DPF1: variants seen among roughly 807,000 people sequenced by gnomAD.
DPF1 encodes the protein double PHD fingers 1.
A neutral mutation model predicts 58.7 loss-of-function variants in DPF1; 14 were observed. That is an observed-to-expected ratio of 0.24 (90% CI 0.16 to 0.37). The LOEUF is 0.37. Ranked by LOEUF, DPF1 falls within the 10% of genes least tolerant of loss-of-function variation. The probability of loss-of-function intolerance (pLI) is 1.00; values close to 1 mark genes in which losing one functional copy is unlikely to be tolerated. For synonymous variants in DPF1, 216 were observed against 216.0 expected, an observed-to-expected ratio of 1.00 and a Z score of 0.00; for missense variants, 345 against 529.9, an observed-to-expected ratio of 0.65 and a Z score of 3.43.
At chr19:38,217,769 T>C in intron 6 of DPF1, 29 bp downstream of exon 6, 4 of 1,613,550 alleles carry the variant, frequency 2.5e-6, no homozygotes, top group Non-Finnish European at 3.4e-6. Context: ...CCCCTCTCTC[T>C]GCCTTTCCCC....
At position 38,217,889 on chromosome 19, in the gene DPF1, TC is replaced by T. The variant is rs1467929921; in HGVS notation, c.517-14del. The T allele has an allele frequency of 6.2e-7, 1 of 1,612,028 alleles. No homozygotes were observed. The highest frequency in any genetic ancestry group is 1.1e-5 in the South Asian group (1 of 90,954). On this transcript the variant is annotated splice_polypyrimidine_tract_variant and intron_variant, in intron 5 of 11. Transcript: ENST00000355526. Reference sequence around the variant, plus strand: ...CGATGCCATATGCCTGTGGGGAGAGTCAGGAGTGAGGGGCCAAGAAAGTGAG... The same window carrying T: ...CGATGCCATATGCCTGTGGGGAGAGTAGGAGTGAGGGGCCAAGAAAGTGAG...
chr19:38,227,564 C>A (rs962957138), upstream of DPF1, among the ~76,000 whole-genome samples: 1 of 152,164 alleles, frequency 6.6e-6, no homozygotes, highest in Non-Finnish European at 1.5e-5. Context: ...TGGGAGCTGG[C>A]CCACAGTAGA....
Position 38,229,530 on chromosome 19 carries a change from C to G in DPF1, c.-132+29G>C. The stretch of plus-strand genomic sequence containing the variant: ...AGGGCTCCTGGTGGGGGGGTCTGGA[C>G]AGGGGGCGGGGACGGCAGGGACACT... On this transcript the variant is annotated intron_variant, in intron 1 of 11. Transcript: ENST00000412732. The surrounding 1 kb of genome is among the most constrained non-coding windows in gnomAD (Gnocchi z 5.3). The G allele has an allele frequency of 8.9e-7, 1 of 1,121,172 alleles. No homozygotes were observed. The highest frequency in any genetic ancestry group is 1.1e-6 in the Non-Finnish European group (1 of 914,522). 69.5% of individuals were successfully genotyped at this position (1,121,172 alleles called of 1,614,324 possible). A position where few individuals can be genotyped will look rare whatever the true frequency, so the allele number is the denominator to read the frequency against.
At chr19:38,215,731 G>A (rs116493143) in intron 9 of DPF1, among the ~76,000 whole-genome samples, 1,803 of 152,206 alleles carry the variant, frequency 0.012, 36 homozygotes, top group African/African-American at 0.041. Flanking sequence ...AACACACCTG[G>A]ATAATTTTTA....
intron 9 of DPF1, among the ~76,000 whole-genome samples, chr19:38,214,345 C>T (rs947820429): frequency 6.6e-6 from 1 of 152,226 alleles, no homozygotes; most frequent in Admixed American, 6.5e-5. Flanking sequence ...GCAGCCGCTA[C>T]CTGCAGCCAC....
intron 3 of DPF1, among the ~76,000 whole-genome samples, chr19:38,220,630 A>T (rs1039820590): frequency 1.3e-5 from 2 of 152,038 alleles, no homozygotes; most frequent in Non-Finnish European, 2.9e-5. Flanking sequence ...AAAAAAAAGA[A>T]AAAGAAAAAG....
At position 38,218,666 on chromosome 19, in the gene DPF1, G is replaced by T; in HGVS notation, c.427-4C>A. The T allele has an allele frequency of 1.2e-6, 2 of 1,614,180 alleles. No homozygotes were observed. The highest frequency in any genetic ancestry group is 1.3e-5 in the African/African-American group (1 of 75,044). On this transcript the variant is annotated splice_polypyrimidine_tract_variant and splice_region_variant and intron_variant, in intron 4 of 11. Coordinates refer to ENST00000355526, the MANE Select transcript of DPF1 (RefSeq NM_001135155.3). ...GAAACTCCAGCAACTGCTGTTTCTG[G>T]GCAATAGAGAAAGGAGACGGGTCAA...
upstream of DPF1, among the ~76,000 whole-genome samples, chr19:38,226,060 T>C (rs73028384): frequency 0.15 from 22,088 of 152,002 alleles, 2,044 homozygotes; most frequent in South Asian, 0.21. Context: ...CTGGCGGCTC[T>C]TTGAAGGTAA....
intron 3 of DPF1, among the ~76,000 whole-genome samples, chr19:38,220,306 GAGAA>G (rs968998016): frequency 1.2e-3 from 115 of 99,866 alleles, no homozygotes; most frequent in East Asian, 6.0e-3. Context: ...GAGAAAGAAA[GAGAA>G]AGAAAGAAAG....
rs1967524307 is a variant in DPF1 at position 38,222,108 on chromosome 19, T to TAAATAAATAAATAA, written c.298+235_298+248dup. Among the ~76,000 whole-genome samples the TAAATAAATAAATAA allele has an allele frequency of 1.3e-5, 2 of 150,298 alleles. No individual in the cohort carries two copies. On this transcript the variant is annotated intron_variant, in intron 3 of 11. Transcript: ENST00000355526. This position sits in a 1 kb window ranked among gnomAD's most constrained non-coding sequence, Gnocchi z 4.9. ...GGTGAAACTCTGTCTCAAAAATAAATAAATAAATAAATAAATAAATAAATA... is the reference window on the plus strand; with the variant it reads ...GGTGAAACTCTGTCTCAAAAATAAATAAATAAATAAATAAAAATAAATAAATAAATAAATAAATA...
chr19:38,219,085 G>A, intron 3 of DPF1, 27 bp from the exon 4 acceptor site: 1 of 1,612,074 alleles, frequency 6.2e-7, no homozygotes, highest in African/African-American at 1.3e-5. Context: ...GGGGGGGTCA[G>A]ATGGGGAAGT....
chr19:38,218,528 C>T, intron 5 of DPF1, 45 bp downstream of exon 5: 1 of 1,591,952 alleles, frequency 6.3e-7, no homozygotes, highest in Non-Finnish European at 8.6e-7. Flanking sequence ...TGAATGAGAC[C>T]TGTCATTGAG....
At chr19:38,229,055 AC>A (rs1568326737), upstream of DPF1, among the ~76,000 whole-genome samples, 2 of 150,834 alleles carry the variant, frequency 1.3e-5, no homozygotes, top group African/African-American at 4.9e-5. This position sits in a 1 kb window ranked among gnomAD's most constrained non-coding sequence, Gnocchi z 5.3. Context: ...GGAACTGGGG[AC>A]CCCCGACGTC....
intron 1 of DPF1, chr19:38,223,812 C>T (rs1370290127): frequency 1.0e-5 from 3 of 296,850 alleles, no homozygotes; most frequent in Non-Finnish European, 1.2e-5. Context: ...TTGCCAAGGC[C>T]CCCGCACCCC....
intron 8 of DPF1, 21 bp downstream of exon 8, chr19:38,216,332 A>G: frequency 5.0e-6 from 8 of 1,605,220 alleles, no homozygotes; most frequent in Non-Finnish European, 6.8e-6. Flanking sequence ...AGACTTTAGG[A>G]GCAGAAGGAG....
rs764927739 is a variant in DPF1 at position 38,212,304 on chromosome 19, G to A, written c.1069C>T (p.Pro357Ser). ...DRGYHMYCLSPPMAEPPEGSW... is the reference protein window; with the variant it reads ...DRGYHMYCLSSPMAEPPEGSW... ...CCTTCCGGGGGCTCCGCCATGGGGG[G>A]ACTCAGGCAGTACATGTGGTAACCC... is the stretch of plus-strand genomic sequence containing the variant. The change falls in exon 11 of 12, where the codon CCC becomes TCC. Residue 357 changes from proline to serine, a missense_variant. By Grantham distance (74) the Pro-to-Ser change is moderately conservative (BLOSUM62 -1). Transcript: ENST00000355526. 1.3e-6 allele frequency: 2 copies of A among 1,532,268 alleles called. No individual in the cohort carries two copies. Among genetic ancestry groups the A allele is most frequent in the East Asian group, 2.3e-5 (1 of 43,604 alleles). 94.9% of individuals were successfully genotyped at this position (1,532,268 alleles called of 1,614,324 possible).
At chr19:38,224,590 G>A (rs956958533), upstream of DPF1, among the ~76,000 whole-genome samples, 1 of 152,088 alleles carries the variant, frequency 6.6e-6, no homozygotes. The surrounding 1 kb of genome is among the most constrained non-coding windows in gnomAD (Gnocchi z 4.5). Flanking sequence ...GAGACGCAGA[G>A]ACACCTCCCA....
chr19:38,214,945 C>A (rs1258055960), intron 9 of DPF1, among the ~76,000 whole-genome samples: 1 of 149,958 alleles, frequency 6.7e-6, no homozygotes. Flanking sequence ...AAGCGATTCT[C>A]CTGCCTCAGC....
rs373154952 is a variant in DPF1, at chr19:38,212,027, G to C, written c.*36C>G. The C allele has an allele frequency of 1.9e-6, 3 of 1,597,054 alleles. No homozygotes were observed. The highest frequency in any genetic ancestry group is 1.3e-5 in the African/African-American group (1 of 74,842). On this transcript the variant is annotated 3_prime_UTR_variant, in exon 12 of 12. Coordinates refer to ENST00000355526, the MANE Select transcript of DPF1 (RefSeq NM_001135155.3). ...GAGGAGCTCGGAGAGGCAGGTAGGC[G>C]AGCACCACCCCAGAGTCGCGGCGAG... is the stretch of plus-strand genomic sequence containing the variant.
Sources: gnomAD v4.1 joint callset for allele counts (sites outside exome capture counted in the v4.1 genomes callset) on GRCh38, gnomAD v4.1.1 for gene constraint, Gnocchi (gnomAD v3.1) non-coding constraint, MANE v1.5 for transcripts, NCBI Gene and HGNC (gene_info 2026-07-23, HGNC 2026-07-21) for gene names.